The following DSG4 variants were observed in gnomAD, a reference collection of about 807,000 sequenced individuals.
DSG4 encodes the protein desmoglein 4.
In DSG4, 87 loss-of-function variants were observed where a neutral mutation model predicts 93.1. The observed-to-expected ratio is 0.93, with a 90% CI of 0.79 to 1.12. The LOEUF is 1.12. DSG4 is among the 50% of genes most tolerant of loss of function. The probability of loss-of-function intolerance (pLI) is 0.00; values close to 1 mark genes in which losing one functional copy is unlikely to be tolerated. For synonymous variants in DSG4, 432 were observed against 452.9 expected (o/e 0.95, Z 0.59); for missense variants, 1,373 against 1,285.7 (o/e 1.07, Z -1.04).
At chr18:31,380,742 G>A (rs1310549595) in intron 1 of DSG4, among the ~76,000 whole-genome samples, 1 of 152,166 alleles carries the variant, frequency 6.6e-6, no homozygotes, top group Non-Finnish European at 1.5e-5. Context: ...ATATGCGGAT[G>A]ACTTCCAAAC....
At chr18:31,377,372 A>G (rs762858484) in intron 1 of DSG4, among the ~76,000 whole-genome samples, 5 of 152,208 alleles carry the variant, frequency 3.3e-5, no homozygotes, top group Non-Finnish European at 7.3e-5. Flanking sequence ...TTATTTCCCT[A>G]TGAGTTTCTT....
intron 6 of DSG4, 65 bp from the exon 7 acceptor site, chr18:31,391,013 T>A: frequency 6.3e-7 from 1 of 1,599,570 alleles, no homozygotes; most frequent in Admixed American, 1.7e-5. Flanking sequence ...AATAATGGCA[T>A]TGAATGCATT....
At chr18:31,380,685 A>G (rs1485778093) in intron 1 of DSG4, among the ~76,000 whole-genome samples, 1 of 152,220 alleles carries the variant, frequency 6.6e-6, no homozygotes, top group Non-Finnish European at 1.5e-5. Flanking sequence ...AATTATTATT[A>G]TAAGCGTTAT....
At chr18:31,391,856 A>G (rs950549998) in intron 7 of DSG4, among the ~76,000 whole-genome samples, 19 of 152,100 alleles carry the variant, frequency 1.2e-4, no homozygotes, top group African/African-American at 4.3e-4. Context: ...CTGGTCCTCT[A>G]TCTAAAAGAA....
chr18:31,406,779 T>C (rs1385033260), intron 12 of DSG4, among the ~76,000 whole-genome samples: 1 of 152,016 alleles, frequency 6.6e-6, no homozygotes. Flanking sequence ...TTTTCTTTTT[T>C]TCTTTTTCTT....
At position 31,413,589 on chromosome 18, in the gene DSG4, A is replaced by G. The variant is rs752583928; in HGVS notation, c.3117A>G (p.Gln1039=). The G allele has an allele frequency of 4.2e-5, 68 of 1,613,220 alleles. No homozygotes were observed. The highest frequency in any genetic ancestry group is 2.2e-4 in the East Asian group (10 of 44,900). The change falls in exon 16 of 16, where the codon CAA becomes CAG. Residue 1039 remains glutamine, a synonymous_variant. Transcript: ENST00000308128. ...GATACAGTAACATACATTACACCCA[A>G]CAGTAAGTGCTTTATGGTCAGTATT... The part of the protein sequence containing the change: ...VTRYSNIHYT[Q]Q
At chr18:31,410,926 G>A (rs1469179167) in intron 14 of DSG4, among the ~76,000 whole-genome samples, 1 of 152,216 alleles carries the variant, frequency 6.6e-6, no homozygotes, top group Non-Finnish European at 1.5e-5. Flanking sequence ...CAGCAGCCAC[G>A]GCGGGAACGG....
At chr18:31,391,304 G>C in intron 7 of DSG4, 92 bp downstream of exon 7, 1 of 1,566,928 alleles carries the variant, frequency 6.4e-7, no homozygotes, top group Non-Finnish European at 8.8e-7. Flanking sequence ...TCATGAGCCT[G>C]GTTCTGTCCT....
chr18:31,384,240 T>G (rs1410906378), intron 1 of DSG4, among the ~76,000 whole-genome samples: 1 of 152,210 alleles, frequency 6.6e-6, no homozygotes, highest in Non-Finnish European at 1.5e-5. Context: ...TTTTCATATT[T>G]AATTATATTG....
In DSG4 at chr18:31,400,863, T is replaced by A; in HGVS notation, c.1278-18T>A. ...CTTTCATAAAAGCATGATAACGAAC[T>A]TTTTTATTTAAAAACAGATATATCA... is the stretch of plus-strand genomic sequence containing the variant. On this transcript the variant is annotated intron_variant, in intron 9 of 15. Transcript: ENST00000308128. The A allele has an allele frequency of 6.2e-7, 1 of 1,610,806 alleles. No homozygotes were observed. The highest frequency in any genetic ancestry group is 1.1e-5 in the South Asian group (1 of 90,648).
chr18:31,403,308 A>G (rs1192291417), intron 10 of DSG4, 108 bp from the exon 11 acceptor site: 1 of 943,544 alleles, frequency 1.1e-6, no homozygotes, highest in Non-Finnish European at 1.7e-6. Flanking sequence ...AAGCCTCCCA[A>G]GTCACGTATA....
intron 11 of DSG4, among the ~76,000 whole-genome samples, chr18:31,405,353 T>C (rs937859995): frequency 4.6e-5 from 7 of 152,164 alleles, no homozygotes; most frequent in African/African-American, 1.7e-4. Context: ...ATAAACAGTC[T>C]TAAGGAGGGT....
chr18:31,406,940 G>A (rs936827898), intron 12 of DSG4, among the ~76,000 whole-genome samples: 1 of 151,920 alleles, frequency 6.6e-6, no homozygotes, highest in African/African-American at 2.4e-5. Flanking sequence ...ACCACGACTG[G>A]CTAATTTTTG....
chr18:31,380,948 A>C (rs928199980), intron 1 of DSG4, among the ~76,000 whole-genome samples: 1 of 152,206 alleles, frequency 6.6e-6, no homozygotes. Context: ...ATTAAAAGAG[A>C]AAACAAGACC....
At chr18:31,412,008 C>T (rs188892887) in intron 15 of DSG4, among the ~76,000 whole-genome samples, 10 of 152,248 alleles carry the variant, frequency 6.6e-5, no homozygotes, top group Admixed American at 2.0e-4. Context: ...AGGGGTCCAG[C>T]AATAGCACTG....
intron 7 of DSG4, among the ~76,000 whole-genome samples, chr18:31,391,929 C>G (rs2072254263): frequency 6.6e-6 from 1 of 151,928 alleles, no homozygotes; most frequent in Admixed American, 6.6e-5. Context: ...GAGAAAGGAA[C>G]AAAGTGCTAA....
At chr18:31,404,421 G>A (rs1040131744) in intron 11 of DSG4, among the ~76,000 whole-genome samples, 1 of 152,078 alleles carries the variant, frequency 6.6e-6, no homozygotes. Flanking sequence ...TTCCTAAAAC[G>A]TTAAGTGCAT....
rs150197083 is a variant in DSG4 at position 31,390,683 on chromosome 18, C to T, written c.545C>T (p.Thr182Ile). The change falls in exon 6 of 16, where the codon ACA becomes ATA. Residue 182 changes from threonine (T) to isoleucine (I), a missense_variant. Physicochemically the swap from Thr to Ile is moderately conservative, Grantham distance 89. Coordinates refer to ENST00000308128, the MANE Select transcript of DSG4 (RefSeq NM_177986.5). ...ANTLVVKLCA[T>I]DADEENHLNS... Reference sequence around the variant, plus strand: ...ACATTGGTAGTAAAGTTATGTGCCACAGATGCAGATGAAGAAAATCATCTG... The same window carrying T: ...ACATTGGTAGTAAAGTTATGTGCCATAGATGCAGATGAAGAAAATCATCTG... 1.2e-5 allele frequency: 19 copies of T among 1,613,520 alleles called. No homozygotes were observed. The African/African-American group carries it at 2.1e-4, about 18-fold the overall frequency.
Position 31,409,444 on chromosome 18 carries a change from T to G in DSG4, c.1934-8T>G, listed in dbSNP as rs2072461097. On this transcript the variant is annotated splice_region_variant and splice_polypyrimidine_tract_variant and intron_variant, in intron 12 of 15. Transcript: ENST00000308128. ...GTGTTAACTCGACATTGTCACTTTCTTGGGCAGTGGCTCCACTCTTGCTGC... is the reference window on the plus strand; with the variant it reads ...GTGTTAACTCGACATTGTCACTTTCGTGGGCAGTGGCTCCACTCTTGCTGC... 6.2e-7 allele frequency: 1 copy of G among 1,614,026 alleles called. No homozygotes were observed. The highest frequency in any genetic ancestry group is 1.1e-5 in the South Asian group (1 of 91,030).
Sources: allele counts gnomAD v4.1 joint callset (sites outside exome capture counted in the v4.1 genomes callset), GRCh38; gene constraint gnomAD v4.1.1; transcripts MANE v1.5; gene names NCBI Gene and HGNC (gene_info 2026-07-23, HGNC 2026-07-21).